PCDH15: variants seen among roughly 807,000 people sequenced by gnomAD.
The protein encoded by PCDH15 is protocadherin related 15, also known as protocadherin-15.
In PCDH15, 129 loss-of-function variants were observed where a neutral mutation model predicts 178.5. The ratio of observed to expected loss-of-function variants is 0.72; its 90% CI spans 0.63 to 0.84. The LOEUF (loss-of-function observed/expected upper bound fraction) is 0.84, where lower values mean the gene tolerates loss of function less well. Ranked by LOEUF, PCDH15 falls within the 40% of genes least tolerant of loss-of-function variation. PCDH15 has a pLI of 0.00. For missense variants in PCDH15, 2,230 were observed against 2,099.9 expected, an observed-to-expected ratio of 1.06 and a Z score of -1.21; for synonymous variants, 800 against 732.0, an observed-to-expected ratio of 1.09 and a Z score of -1.50.
intron 26 of PCDH15, among the ~76,000 whole-genome samples, chr10:53,901,060 T>A (rs2082303569): frequency 6.6e-6 from 1 of 152,090 alleles, no homozygotes; most frequent in Non-Finnish European, 1.5e-5. Flanking sequence ...GACCTTGCAT[T>A]TTCCCTGTAT....
chr10:53,931,509 T>C lies in PCDH15; in HGVS notation c.3373+7306A>G, dbSNP rs193109238. 6.6e-5 allele frequency among the ~76,000 whole-genome samples: 10 copies of C among 152,320 alleles called. No homozygotes were observed. The East Asian group carries it at 1.9e-3, about 29-fold the overall frequency. On this transcript the variant is annotated intron_variant, in intron 25 of 37. Transcript: ENST00000644397. Reference sequence around the variant, plus strand: ...ATCAATAAACAAAACAGATACAAACTTCTGTCGTTGCGCAGACTAAATCCA... The same window carrying C: ...ATCAATAAACAAAACAGATACAAACCTCTGTCGTTGCGCAGACTAAATCCA...
chr10:54,964,957 G>GA (rs1838745448), intron 2 of PCDH15, among the ~76,000 whole-genome samples: 1 of 152,106 alleles, frequency 6.6e-6, no homozygotes, highest in African/African-American at 2.4e-5. Context: ...CAAACACATA[G>GA]GAAAGGTTTT....
intron 26 of PCDH15, among the ~76,000 whole-genome samples, chr10:53,884,962 TTA>T (rs1214325377): frequency 6.6e-6 from 1 of 152,186 alleles, no homozygotes; most frequent in Non-Finnish European, 1.5e-5. Flanking sequence ...GCAGAAAAGA[TTA>T]TGTGTCATGC....
chr10:55,138,566 T>C (rs941516345), intron 2 of PCDH15, among the ~76,000 whole-genome samples: 1 of 152,094 alleles, frequency 6.6e-6, no homozygotes, highest in Admixed American at 6.6e-5. Flanking sequence ...CGGGAGTCAA[T>C]CTCAGAGGCC....
At chr10:54,951,403 A>G (rs773681119) in intron 2 of PCDH15, among the ~76,000 whole-genome samples, 1 of 151,816 alleles carries the variant, frequency 6.6e-6, no homozygotes, top group Non-Finnish European at 1.5e-5. Flanking sequence ...TTGATATCTC[A>G]TTTTTAAATT....
intron 1 of PCDH15, among the ~76,000 whole-genome samples, chr10:54,747,777 T>G (rs895477557): frequency 6.6e-6 from 1 of 151,820 alleles, no homozygotes; most frequent in African/African-American, 2.4e-5. Context: ...CCAATATTAT[T>G]TTTAAAAATA....
intron 9 of PCDH15, among the ~76,000 whole-genome samples, chr10:54,220,154 GAAT>G (rs1159519623): frequency 6.6e-6 from 1 of 152,208 alleles, no homozygotes; most frequent in Non-Finnish European, 1.5e-5. Flanking sequence ...GAAGATAATT[GAAT>G]AATAGCCGCT....
At chr10:54,834,446 T>G (rs1448686659) in intron 3 of PCDH15, among the ~76,000 whole-genome samples, 1 of 152,072 alleles carries the variant, frequency 6.6e-6, no homozygotes, top group Non-Finnish European at 1.5e-5. Context: ...CCCAAAGTGC[T>G]GGGTTATAGA....
intron 2 of PCDH15, among the ~76,000 whole-genome samples, chr10:55,535,611 A>ACTTTG (rs1841560056): frequency 6.6e-6 from 1 of 151,990 alleles, no homozygotes; most frequent in African/African-American, 2.4e-5. Flanking sequence ...ATACAAGTTA[A>ACTTTG]CATTTAACTT....
At chr10:54,400,221 G>A in intron 3 of PCDH15, among the ~76,000 whole-genome samples, 1 of 152,024 alleles carries the variant, frequency 6.6e-6, no homozygotes, top group East Asian at 1.9e-4. Flanking sequence ...CTAGAGAAAG[G>A]AATACATGTG....
chr10:55,479,295 T>C (rs1840125674), intron 2 of PCDH15, among the ~76,000 whole-genome samples: 2 of 151,500 alleles, frequency 1.3e-5, no homozygotes, highest in South Asian at 4.1e-4. Flanking sequence ...CATTCAGTAA[T>C]ATCAGGTGGG....
chr10:55,464,654 ATG>A (rs767779818), intron 2 of PCDH15, among the ~76,000 whole-genome samples: 2 of 13,808 alleles, frequency 1.4e-4, no homozygotes, highest in South Asian at 2.1e-3. Context: ...ATATATATAT[ATG>A]TGTGTGTGTG....
At chr10:54,101,099 T>G (rs756207862) in intron 15 of PCDH15, among the ~76,000 whole-genome samples, 1 of 152,124 alleles carries the variant, frequency 6.6e-6, no homozygotes, top group Admixed American at 6.5e-5. Flanking sequence ...GGGCAGGTCA[T>G]TCCCATGGCT....
chr10:54,509,568 C>T (rs1315063113), intron 3 of PCDH15, among the ~76,000 whole-genome samples: 1 of 152,168 alleles, frequency 6.6e-6, no homozygotes, highest in Non-Finnish European at 1.5e-5. Context: ...CACTGTGTCT[C>T]TGCCTGTCAG....
chr10:54,315,839 G>T (rs2061223266), intron 8 of PCDH15, among the ~76,000 whole-genome samples: 1 of 152,016 alleles, frequency 6.6e-6, no homozygotes, highest in African/African-American at 2.4e-5. Context: ...GGCAGTAGGT[G>T]TGCAGCCTTA....
intron 3 of PCDH15, among the ~76,000 whole-genome samples, chr10:54,416,924 T>C (rs1041008494): frequency 6.6e-6 from 1 of 152,220 alleles, no homozygotes; most frequent in Non-Finnish European, 1.5e-5. Flanking sequence ...ATGTCATCTT[T>C]TGAGAAGTGT....
At chr10:54,255,943 C>G (rs1344641187) in intron 8 of PCDH15, among the ~76,000 whole-genome samples, 5 of 152,148 alleles carry the variant, frequency 3.3e-5, no homozygotes, top group African/African-American at 1.2e-4. Context: ...AAAGCTAACC[C>G]TTACAAGAAT....
intron 2 of PCDH15, among the ~76,000 whole-genome samples, chr10:55,116,992 G>C (rs1354236874): frequency 3.3e-5 from 5 of 152,144 alleles, no homozygotes; most frequent in Non-Finnish European, 5.9e-5. Flanking sequence ...TGACACTTTT[G>C]TTGTCTTCTA....
At chr10:54,448,434 C>G (rs1203916722) in intron 3 of PCDH15, among the ~76,000 whole-genome samples, 2 of 151,524 alleles carry the variant, frequency 1.3e-5, no homozygotes. Context: ...GAATCATTTA[C>G]ATATATCAGT....
Sources: gnomAD v4.1 joint callset for allele counts (sites outside exome capture counted in the v4.1 genomes callset) on GRCh38, gnomAD v4.1.1 for gene constraint, MANE v1.5 for transcripts, NCBI Gene and HGNC (gene_info 2026-07-23, HGNC 2026-07-21) for gene names.